Variants in FARP2 observed in about 807,000 individuals in gnomAD.
FARP2 encodes the protein FERM, ARHGEF and pleckstrin domain-containing protein 2.
A neutral mutation model predicts 130.5 loss-of-function variants in FARP2; 111 were observed. The ratio of observed to expected loss-of-function variants is 0.85; its 90% CI spans 0.73 to 1.00. The LOEUF (loss-of-function observed/expected upper bound fraction) is 1.00, where lower values mean the gene tolerates loss of function less well. FARP2 is among the 50% of genes least tolerant of loss of function. FARP2 has a pLI of 0.00. For missense variants in FARP2, 1,385 were observed against 1,346.3 expected, an observed-to-expected ratio of 1.03 and a Z score of -0.45; for synonymous variants, 504 against 516.9, an observed-to-expected ratio of 0.98 and a Z score of 0.34.
intron 8 of FARP2, among the ~76,000 whole-genome samples, chr2:241,422,725 A>G (rs988536301): frequency 1.3e-5 from 2 of 152,208 alleles, no homozygotes; most frequent in African/African-American, 4.8e-5. Context: ...GCTAAGGACC[A>G]TGATAAAACA....
intron 3 of FARP2, 57 bp downstream of exon 3, chr2:241,403,989 C>A: frequency 1.1e-6 from 1 of 875,852 alleles, no homozygotes. Flanking sequence ...TGATGACAGC[C>A]GCAAGATCTT....
At chr2:241,441,966 C>T (rs1470062956) in intron 13 of FARP2, 1 of 367,046 alleles carries the variant, frequency 2.7e-6, no homozygotes, top group East Asian at 7.1e-5. Context: ...CTCGGTCCAG[C>T]CCAGACAGGT....
In FARP2 at chr2:241,459,977, C is replaced by T. The variant is rs968480145; in HGVS notation, c.1588-2546C>T. ...CGTATGTGTCTCTATGTGCCTCGCC[C>T]CTGGAGGAGTGGAGCTGCTCCGGGA... On this transcript the variant is annotated intron_variant, in intron 14 of 26. Transcript: ENST00000264042. This position sits in a 1 kb window ranked among gnomAD's most constrained non-coding sequence, Gnocchi z 5.3. Among the ~76,000 whole-genome samples, 1 of 152,110 alleles carries T rather than the reference C, an allele frequency of 6.6e-6. No homozygotes were observed. Among genetic ancestry groups the T allele is most frequent in the African/African-American group, 2.4e-5 (1 of 41,406 alleles).
At chr2:241,360,080 A>G (rs983686922) in intron 1 of FARP2, among the ~76,000 whole-genome samples, 5 of 152,150 alleles carry the variant, frequency 3.3e-5, no homozygotes, top group Non-Finnish European at 7.3e-5. Flanking sequence ...AGGCACTTAA[A>G]TCACCATTTA....
intron 1 of FARP2, among the ~76,000 whole-genome samples, chr2:241,368,009 A>G (rs973569416): frequency 7.9e-5 from 12 of 152,028 alleles, no homozygotes; most frequent in African/African-American, 2.7e-4. Flanking sequence ...AACATTTGTC[A>G]CTAGAGTGGT....
chr2:241,372,242 AGGGGGTTATTGTGAGTAT>A (rs1293429217), intron 1 of FARP2, among the ~76,000 whole-genome samples: 1 of 151,772 alleles, frequency 6.6e-6, no homozygotes, highest in Non-Finnish European at 1.5e-5. Flanking sequence ...GATAGTGATG[AGGGGGTTATTGTGAGTAT>A]GGGGGTTATT....
At chr2:241,392,759 G>T (rs1323356089) in intron 2 of FARP2, among the ~76,000 whole-genome samples, 3 of 151,914 alleles carry the variant, frequency 2.0e-5, no homozygotes, top group African/African-American at 7.3e-5. Flanking sequence ...AGCCAACATA[G>T]TGAAGCCCTA....
At chr2:241,367,625 G>A (rs2061344335) in intron 1 of FARP2, among the ~76,000 whole-genome samples, 1 of 152,056 alleles carries the variant, frequency 6.6e-6, no homozygotes, top group Admixed American at 6.5e-5. Context: ...TGGTTTCTTG[G>A]GTTGGTCGTA....
intron 20 of FARP2, 52 bp from the exon 21 acceptor site, chr2:241,484,190 A>G (rs1481672603): frequency 1.9e-6 from 3 of 1,611,628 alleles, no homozygotes; most frequent in Non-Finnish European, 2.5e-6. Context: ...TGGTCTGACT[A>G]TTAAGACACT....
Position 241,366,138 on chromosome 2 carries a change from T to TATATATATAC in FARP2, c.-24-6945_-24-6944insTATATATACA, listed in dbSNP as rs1491421503. The stretch of plus-strand genomic sequence containing the variant: ...ATATATATACGTATATATATATATA[T>TATATATATAC]ACACACACACATATATATTTTCTTC... On this transcript the variant is annotated intron_variant, in intron 1 of 26. Coordinates refer to ENST00000264042, the MANE Select transcript of FARP2 (RefSeq NM_014808.4). Among the ~76,000 whole-genome samples, 10 of 138,432 alleles carry TATATATATAC rather than the reference T, an allele frequency of 7.2e-5. No individual in the cohort carries two copies. The East Asian group carries it at 8.5e-4, about 12-fold the overall frequency. 90.8% of individuals were successfully genotyped at this position (138,432 alleles called of 152,430 possible).
At chr2:241,463,862 C>A in intron 16 of FARP2, 37 bp from the exon 17 acceptor site, 1 of 1,568,234 alleles carries the variant, frequency 6.4e-7, no homozygotes, top group South Asian at 1.1e-5. Context: ...TGCAAGCTTT[C>A]ACCATGTTTA....
chr2:241,371,837 AAT>A (rs1461743005), intron 1 of FARP2, among the ~76,000 whole-genome samples: 2 of 152,154 alleles, frequency 1.3e-5, no homozygotes, highest in Admixed American at 6.5e-5. Context: ...TGCCATAAAT[AAT>A]AGATTATTAA....
At chr2:241,380,007 C>A (rs982414558) in intron 2 of FARP2, among the ~76,000 whole-genome samples, 5 of 152,146 alleles carry the variant, frequency 3.3e-5, no homozygotes, top group African/African-American at 9.7e-5. Flanking sequence ...CCAGCTCCCC[C>A]ACCAAGCCCT....
chr2:241,456,269 G>A (rs1321464882), intron 13 of FARP2, among the ~76,000 whole-genome samples: 1 of 152,140 alleles, frequency 6.6e-6, no homozygotes. Context: ...GTTTTTTAAT[G>A]AATAATAAGT....
At chr2:241,479,049 A>C (rs1257292279) in intron 19 of FARP2, 1 of 542,864 alleles carries the variant, frequency 1.8e-6, no homozygotes, top group Non-Finnish European at 3.4e-6. Flanking sequence ...GATGCAATGA[A>C]CTACCATGTC....
intron 11 of FARP2, among the ~76,000 whole-genome samples, 189 bp downstream of exon 11, chr2:241,435,219 G>A (rs986850406): frequency 4.0e-5 from 6 of 151,316 alleles, no homozygotes; most frequent in Non-Finnish European, 5.9e-5. Context: ...TCAGCCTCCC[G>A]AGTAGCTGGG....
intron 8 of FARP2, among the ~76,000 whole-genome samples, chr2:241,420,690 G>C (rs1478200082): frequency 6.6e-6 from 1 of 152,172 alleles, no homozygotes; most frequent in Non-Finnish European, 1.5e-5. Flanking sequence ...GGGGTCATCA[G>C]CCTCTTTGTC....
chr2:241,427,596 AG>A (rs2062975878), intron 8 of FARP2, among the ~76,000 whole-genome samples: 1 of 152,170 alleles, frequency 6.6e-6, no homozygotes, highest in Admixed American at 6.5e-5. Context: ...ACTGGGGTAG[AG>A]GGTCCTGGAA....
intron 1 of FARP2, among the ~76,000 whole-genome samples, chr2:241,370,974 G>A (rs2150297171): frequency 6.6e-6 from 1 of 152,334 alleles, no homozygotes; most frequent in Middle Eastern, 3.4e-3. Context: ...GCTTTGTTTA[G>A]GAATTAGGAT....
Sources: allele counts gnomAD v4.1 joint callset (sites outside exome capture counted in the v4.1 genomes callset), GRCh38; gene constraint gnomAD v4.1.1; non-coding constraint Gnocchi (gnomAD v3.1); transcripts MANE v1.5; gene names NCBI Gene and HGNC (gene_info 2026-07-23, HGNC 2026-07-21).